ADGB: variants seen among roughly 807,000 people sequenced by gnomAD.
ADGB encodes androglobin, also known as calpain-7-like protein.
In ADGB, 172 loss-of-function variants were observed where a neutral mutation model predicts 210.5. The observed-to-expected ratio is 0.82, with a 90% CI of 0.72 to 0.93. The LOEUF is 0.93. ADGB is among the 40% of genes least tolerant of loss of function. The pLI is 0.00. For synonymous variants in ADGB, 658 were observed against 662.7 expected (o/e 0.99, Z 0.11); for missense variants, 2,025 against 1,964.8 (o/e 1.03, Z -0.58).
chr6:146,723,366 A>G (rs1562283716), intron 17 of ADGB, among the ~76,000 whole-genome samples: 1 of 152,162 alleles, frequency 6.6e-6, no homozygotes, highest in Non-Finnish European at 1.5e-5. Context: ...TTAATAAAAA[A>G]CTTGATATTA....
At chr6:146,699,705 ATT>A (rs1776461603) in intron 12 of ADGB, among the ~76,000 whole-genome samples, 1 of 151,446 alleles carries the variant, frequency 6.6e-6, no homozygotes, top group African/African-American at 2.4e-5. Flanking sequence ...ATTCAAAATA[ATT>A]TTTGTTTATC....
intron 18 of ADGB, 26 bp downstream of exon 18, chr6:146,724,353 T>A: frequency 6.7e-7 from 1 of 1,487,904 alleles, no homozygotes; most frequent in Non-Finnish European, 8.9e-7. Context: ...ATTTTTCCCA[T>A]AATAAAAATT....
At chr6:146,646,610 G>T (rs963863465) in intron 3 of ADGB, among the ~76,000 whole-genome samples, 2 of 152,086 alleles carry the variant, frequency 1.3e-5, no homozygotes, top group Non-Finnish European at 2.9e-5. Context: ...TTTCAGTGGG[G>T]TGAAGGTAGT....
At chr6:146,726,028 C>T in intron 18 of ADGB, 55 bp from the exon 19 acceptor site, 1 of 1,179,914 alleles carries the variant, frequency 8.5e-7, no homozygotes, top group Non-Finnish European at 1.2e-6. Flanking sequence ...ACTCACAGGT[C>T]AAATGCCACC....
intron 1 of ADGB, among the ~76,000 whole-genome samples, chr6:146,602,960 A>G (rs1780582051): frequency 6.6e-6 from 1 of 152,178 alleles, no homozygotes; most frequent in African/African-American, 2.4e-5. Context: ...TGGCTGCTCT[A>G]CTTAATTCAC....
chr6:146,697,349 A>G (rs1375368095), intron 12 of ADGB, among the ~76,000 whole-genome samples: 2 of 152,218 alleles, frequency 1.3e-5, no homozygotes, highest in Non-Finnish European at 1.5e-5. Context: ...ATGGTTATAC[A>G]CATATATCAA....
At chr6:146,692,797 A>G in intron 11 of ADGB, 28 bp from the exon 12 acceptor site, 1 of 1,263,154 alleles carries the variant, frequency 7.9e-7, no homozygotes, top group Non-Finnish European at 1.1e-6. Flanking sequence ...TTAAATGTAC[A>G]TCATACTTTC....
At chr6:146,641,683 G>A (rs763374865) in intron 2 of ADGB, among the ~76,000 whole-genome samples, 13 of 152,006 alleles carry the variant, frequency 8.6e-5, no homozygotes, top group Non-Finnish European at 1.8e-4. Context: ...AAATGGTGCT[G>A]AGATAGCTGA....
chr6:146,740,370 T>C (rs1225338132), intron 23 of ADGB, 89 bp from the exon 24 acceptor site: 9 of 1,169,494 alleles, frequency 7.7e-6, no homozygotes, highest in Non-Finnish European at 9.4e-6. Context: ...CAATATCTTA[T>C]ACTATTTTTT....
intron 25 of ADGB, among the ~76,000 whole-genome samples, chr6:146,741,502 A>G (rs1164408298): frequency 6.6e-6 from 1 of 152,218 alleles, no homozygotes; most frequent in Non-Finnish European, 1.5e-5. Context: ...GAAAGAAAAT[A>G]TGACAAAAAG....
chr6:146,659,592 TATC>T (rs926780570), intron 5 of ADGB, among the ~76,000 whole-genome samples: 2 of 152,198 alleles, frequency 1.3e-5, no homozygotes, highest in Admixed American at 6.5e-5. Context: ...CACACCAGGT[TATC>T]ATTTTTTCTA....
rs190429694 is a variant in ADGB at position 146,761,240 on chromosome 6, T to C, written c.3551-2661T>C. Among the ~76,000 whole-genome samples, 20 of 152,138 alleles carry C rather than the reference T, an allele frequency of 1.3e-4. No homozygotes were observed. In the East Asian group the frequency reaches 3.5e-3, roughly 26 times the overall value. On this transcript the variant is annotated intron_variant, in intron 27 of 35. Coordinates refer to ENST00000397944, the MANE Select transcript of ADGB (RefSeq NM_024694.4). ...ATCTTAGCATGCATGTTTATTTCAA[T>C]GATGCATCTTGAAATAATATTTATG... is the stretch of plus-strand genomic sequence containing the variant.
At chr6:146,740,619 A>G in intron 24 of ADGB, 26 bp downstream of exon 24, 1 of 1,541,930 alleles carries the variant, frequency 6.5e-7, no homozygotes, top group Non-Finnish European at 8.8e-7. Flanking sequence ...AGTGACAAAT[A>G]TGTCTCTAAA....
intron 35 of ADGB, among the ~76,000 whole-genome samples, chr6:146,809,724 C>A (rs554413715): frequency 6.6e-6 from 1 of 152,038 alleles, no homozygotes; most frequent in East Asian, 1.9e-4. Context: ...GAAAGAAAAT[C>A]GTTTCAAAAA....
intron 25 of ADGB, among the ~76,000 whole-genome samples, chr6:146,743,310 T>C (rs1777184520): frequency 6.6e-6 from 1 of 152,206 alleles, no homozygotes; most frequent in South Asian, 2.1e-4. Context: ...TACTTCATTT[T>C]GGAAGAGACC....
At chr6:146,745,572 A>G (rs1308402530) in intron 25 of ADGB, among the ~76,000 whole-genome samples, 3 of 152,234 alleles carry the variant, frequency 2.0e-5, no homozygotes, top group Non-Finnish European at 2.9e-5. Context: ...ATCAAGTAAG[A>G]AGCTTTTGGG....
At chr6:146,781,981 TA>T in intron 29 of ADGB, 38 bp from the exon 30 acceptor site, 1 of 1,394,880 alleles carries the variant, frequency 7.2e-7, no homozygotes, top group Non-Finnish European at 9.4e-7. Flanking sequence ...TTTATTGTTA[TA>T]TTATGACTCA....
At position 146,746,034 on chromosome 6, in the gene ADGB, A is replaced by G. The variant is rs1562290646; in HGVS notation, c.3290A>G (p.Asp1097Gly). 2 of 1,551,020 alleles carry G rather than the reference A, an allele frequency of 1.3e-6. No individual in the cohort carries two copies. The highest frequency in any genetic ancestry group is 8.7e-7 in the Non-Finnish European group (1 of 1,146,636). Residue 1097 changes from aspartate to glycine, a missense_variant, in exon 26 of 36, where the codon GAC becomes GGC. Coordinates refer to ENST00000397944, the MANE Select transcript of ADGB (RefSeq NM_024694.4). ...SSAPLPCLSR[D>G]SPCNSFAIKE... ...GCTCCACTGCCATGCCTCTCTCGAG[A>G]CTCTCCATGCAATTCCTTTGCCATA...
intron 35 of ADGB, among the ~76,000 whole-genome samples, chr6:146,805,123 G>T (rs1778193204): frequency 6.6e-6 from 1 of 152,238 alleles, no homozygotes; most frequent in Non-Finnish European, 1.5e-5. Flanking sequence ...GGCTGAAGGA[G>T]CTTCCATAGA....
Sources: gnomAD v4.1 joint callset for allele counts (sites outside exome capture counted in the v4.1 genomes callset) on GRCh38, gnomAD v4.1.1 for gene constraint, MANE v1.5 for transcripts, NCBI Gene and HGNC (gene_info 2026-07-23, HGNC 2026-07-21) for gene names.